EYA3: variants seen among roughly 807,000 people sequenced by gnomAD.
The protein encoded by EYA3 is EYA transcriptional coactivator and phosphatase 3.
Under a neutral mutation model 80.0 loss-of-function variants are expected in EYA3, and 39 were observed. That is an observed-to-expected ratio of 0.49 (90% confidence interval 0.38 to 0.64). The LOEUF is 0.64. Among genes scored for constraint, EYA3 ranks in the 30% least tolerant of loss-of-function variants. EYA3 has a pLI of 0.00. For synonymous variants in EYA3, 206 were observed against 232.8 expected, an observed-to-expected ratio of 0.88 and a Z score of 1.05; for missense variants, 523 against 676.1, an observed-to-expected ratio of 0.77 and a Z score of 2.51.
intron 16 of EYA3, among the ~76,000 whole-genome samples, chr1:27,980,862 G>T (rs1193237797): frequency 2.0e-5 from 3 of 152,156 alleles, no homozygotes; most frequent in Non-Finnish European, 4.4e-5. Flanking sequence ...AACACAGTGG[G>T]ACCTTTTCCC....
chr1:28,081,771 A>G (rs1040573611), intron 1 of EYA3, among the ~76,000 whole-genome samples: 2 of 152,204 alleles, frequency 1.3e-5, no homozygotes, highest in African/African-American at 4.8e-5. Flanking sequence ...CCTAAAAGCT[A>G]ATCATTCTAA....
chr1:27,981,847 A>G (rs1318835253), intron 16 of EYA3, among the ~76,000 whole-genome samples: 1 of 151,678 alleles, frequency 6.6e-6, no homozygotes. Context: ...GTATTTATTT[A>G]CTTATTTATG....
intron 15 of EYA3, among the ~76,000 whole-genome samples, chr1:27,989,408 C>T (rs1639885256): frequency 6.6e-6 from 1 of 152,116 alleles, no homozygotes; most frequent in Non-Finnish European, 1.5e-5. Flanking sequence ...TTTGACGTCA[C>T]CAGGTCCAAC....
chr1:28,048,829 G>C (rs973811968), intron 2 of EYA3, among the ~76,000 whole-genome samples: 3 of 152,146 alleles, frequency 2.0e-5, no homozygotes, highest in Non-Finnish European at 4.4e-5. Context: ...TTATACTTAA[G>C]TTAGTTTAGT....
chr1:28,074,716 T>C (rs1207022707), intron 1 of EYA3, among the ~76,000 whole-genome samples: 1 of 152,156 alleles, frequency 6.6e-6, no homozygotes, highest in Non-Finnish European at 1.5e-5. Flanking sequence ...TACTGCTTTC[T>C]CTCCTATGTG....
chr1:27,972,965 G>T lies in EYA3; in HGVS notation c.*1501C>A, dbSNP rs747839968. On this transcript the variant is annotated 3_prime_UTR_variant, in exon 18 of 18. Coordinates refer to ENST00000373871, the MANE Select transcript of EYA3 (RefSeq NM_001990.4). The stretch of plus-strand genomic sequence containing the variant: ...CTCATGCCTACAATCCCAACACTTT[G>T]AGAGGCCGAGGTGGGAGGATCGCTT... 3 of 152,472 alleles carry T rather than the reference G, an allele frequency of 2.0e-5. No individual in the cohort carries two copies. The highest frequency in any genetic ancestry group is 4.4e-5 in the Non-Finnish European group (3 of 68,242). 9.4% of individuals were successfully genotyped at this position (152,472 alleles called of 1,614,324 possible).
At chr1:28,032,753 CATCAT>C (rs1643222024) in intron 6 of EYA3, among the ~76,000 whole-genome samples, 2 of 152,140 alleles carry the variant, frequency 1.3e-5, no homozygotes, top group African/African-American at 4.8e-5. Flanking sequence ...AAAGATTACT[CATCAT>C]ATAGCCTTCT....
At chr1:28,058,380 G>A (rs777478438) in intron 1 of EYA3, among the ~76,000 whole-genome samples, 12 of 152,104 alleles carry the variant, frequency 7.9e-5, no homozygotes, top group African/African-American at 2.7e-4. Flanking sequence ...TGACAGCCAC[G>A]TGCAGATAAT....
At chr1:27,983,751 A>G (rs1639464772) in intron 16 of EYA3, among the ~76,000 whole-genome samples, 1 of 151,878 alleles carries the variant, frequency 6.6e-6, no homozygotes, top group South Asian at 2.1e-4. Flanking sequence ...TGCCTCCCCC[A>G]CTCAAGCGAT....
At chr1:27,993,036 C>T (rs1640180562) in intron 14 of EYA3, among the ~76,000 whole-genome samples, 1 of 152,012 alleles carries the variant, frequency 6.6e-6, no homozygotes. Context: ...TTCTACTTAA[C>T]TTGTCCTGAT....
At chr1:28,077,363 C>T (rs1198116460) in intron 1 of EYA3, among the ~76,000 whole-genome samples, 2 of 152,124 alleles carry the variant, frequency 1.3e-5, no homozygotes, top group African/African-American at 2.4e-5. Flanking sequence ...GCCTCAGCTT[C>T]CCAAAGTGCT....
intron 7 of EYA3, among the ~76,000 whole-genome samples, chr1:28,018,346 A>G (rs950192788): frequency 2.0e-5 from 3 of 152,222 alleles, no homozygotes; most frequent in African/African-American, 7.2e-5. Flanking sequence ...CAAAATCTCA[A>G]TGACTAGCAC....
At chr1:28,048,006 T>A (rs1018442427) in intron 3 of EYA3, among the ~76,000 whole-genome samples, 1 of 152,192 alleles carries the variant, frequency 6.6e-6, no homozygotes, top group African/African-American at 2.4e-5. Flanking sequence ...ATTTGGTAAT[T>A]AATACCAAAT....
At chr1:27,990,212 G>T in intron 14 of EYA3, 1 of 168,854 alleles carries the variant, frequency 5.9e-6, no homozygotes, top group East Asian at 1.7e-4. Flanking sequence ...GAGGAACAGG[G>T]TACAGATGTT....
At chr1:27,985,265 A>C (rs981893699) in intron 16 of EYA3, among the ~76,000 whole-genome samples, 2 of 151,908 alleles carry the variant, frequency 1.3e-5, no homozygotes, top group African/African-American at 2.4e-5. Context: ...AAAAAAACAA[A>C]AACAAAAACA....
At chr1:28,032,579 C>A (rs17257329) in intron 6 of EYA3, among the ~76,000 whole-genome samples, 9,612 of 151,776 alleles carry the variant, frequency 0.063, 381 homozygotes, top group Non-Finnish European at 0.098. Flanking sequence ...AACAGTGGCA[C>A]CTAAAGGCAT....
At chr1:28,080,853 C>G (rs182155839) in intron 1 of EYA3, among the ~76,000 whole-genome samples, 3 of 151,996 alleles carry the variant, frequency 2.0e-5, no homozygotes, top group Non-Finnish European at 2.9e-5. Flanking sequence ...TGGGTTTAAG[C>G]GATTCTCCTG....
chr1:28,079,264 G>C, intron 1 of EYA3, among the ~76,000 whole-genome samples: 1 of 152,102 alleles, frequency 6.6e-6, no homozygotes, highest in Non-Finnish European at 1.5e-5. Flanking sequence ...ATATTTCTAC[G>C]CCCTTTCCCC....
rs991264825 is a variant in EYA3, at chr1:28,009,679, T to C, written c.909+1268A>G. ...CAACAACAACAACAAAAAACCATTATGGTAAATGAAATAAGTCTGGCACAA... is the reference window on the plus strand; with the variant it reads ...CAACAACAACAACAAAAAACCATTACGGTAAATGAAATAAGTCTGGCACAA... On this transcript the variant is annotated intron_variant, in intron 10 of 17. Transcript: ENST00000373871. The surrounding 1 kb of genome is among the most constrained non-coding windows in gnomAD (Gnocchi z 4.8). 8.0e-6 allele frequency among the ~76,000 whole-genome samples: 1 copy of C among 124,518 alleles called. No individual in the cohort carries two copies. Among genetic ancestry groups the C allele is most frequent in the African/African-American group, 2.8e-5 (1 of 35,720 alleles). 81.7% of individuals were successfully genotyped at this position (124,518 alleles called of 152,430 possible).
Sources: gnomAD v4.1 joint callset for allele counts (sites outside exome capture counted in the v4.1 genomes callset) on GRCh38, gnomAD v4.1.1 for gene constraint, Gnocchi (gnomAD v3.1) non-coding constraint, MANE v1.5 for transcripts, NCBI Gene and HGNC (gene_info 2026-07-23, HGNC 2026-07-21) for gene names.